CNTN6: variants seen among roughly 807,000 people sequenced by gnomAD.
CNTN6 encodes the protein contactin 6, also known as contactin-6.
Under a neutral mutation model 122.8 loss-of-function variants are expected in CNTN6, and 137 were observed. The ratio of observed to expected loss-of-function variants is 1.12; its 90% CI spans 0.97 to 1.29. CNTN6 has a LOEUF of 1.29. Among genes scored for constraint, CNTN6 ranks in the 50% most tolerant of loss-of-function variants. The pLI is 0.00. For missense variants in CNTN6, 1,634 were observed against 1,223.4 expected (o/e 1.34, Z -5.01); for synonymous variants, 570 against 426.0 (o/e 1.34, Z -4.16).
chr3:1,248,114 A>C (rs1357885358), intron 4 of CNTN6, among the ~76,000 whole-genome samples: 1 of 152,028 alleles, frequency 6.6e-6, no homozygotes, highest in Non-Finnish European at 1.5e-5. Context: ...ATTTCAGAAA[A>C]CTAGGTTTCG....
chr3:1,353,176 T>C (rs1274895636), intron 12 of CNTN6, among the ~76,000 whole-genome samples: 1 of 151,738 alleles, frequency 6.6e-6, no homozygotes, highest in Non-Finnish European at 1.5e-5. Context: ...TACTGGAAGC[T>C]GTATCACTTC....
At chr3:1,212,510 T>C (rs1351274515) in intron 2 of CNTN6, among the ~76,000 whole-genome samples, 1 of 151,110 alleles carries the variant, frequency 6.6e-6, no homozygotes, top group Non-Finnish European at 1.5e-5. Context: ...TGTGTATATA[T>C]ATACATATGT....
rs758919779 is a variant in CNTN6, at chr3:1,227,948, C to A, written c.313C>A (p.Leu105Ile). Reference protein sequence around the residue: ...IGMYQCLATNLLGTILSRKAK... With the variant: ...IGMYQCLATNILGTILSRKAK... Reference sequence around the variant, plus strand: ...CATGTACCAGTGCCTGGCCACCAATCTTCTGGGGACAATTCTGAGTCGGAA... The same window carrying A: ...CATGTACCAGTGCCTGGCCACCAATATTCTGGGGACAATTCTGAGTCGGAA... Residue 105 changes from leucine (L) to isoleucine (I), a missense_variant, in exon 4 of 23, where the codon CTT (leucine) becomes ATT (isoleucine). Leu to Ile is a conservative substitution (Grantham distance 5). Transcript: ENST00000446702. 6.2e-6 allele frequency: 10 copies of A among 1,613,860 alleles called. No homozygotes were observed. Among genetic ancestry groups the A allele is most frequent in the Non-Finnish European group, 5.1e-6 (6 of 1,179,964 alleles).
intron 2 of CNTN6, among the ~76,000 whole-genome samples, chr3:1,158,326 G>A (rs1263678970): frequency 6.6e-6 from 1 of 152,108 alleles, no homozygotes; most frequent in Non-Finnish European, 1.5e-5. Context: ...CTATTTTTAT[G>A]TCTTCTTTTG....
intron 20 of CNTN6, among the ~76,000 whole-genome samples, chr3:1,397,242 A>T (rs1222235207): frequency 6.6e-6 from 1 of 152,212 alleles, no homozygotes; most frequent in Non-Finnish European, 1.5e-5. Flanking sequence ...AATGAATAAA[A>T]TAATCATAAA....
At chr3:1,281,728 G>T (rs935515252) in intron 5 of CNTN6, among the ~76,000 whole-genome samples, 6 of 152,110 alleles carry the variant, frequency 3.9e-5, no homozygotes, top group African/African-American at 1.4e-4. Context: ...GTGAGCCATC[G>T]GGCGCAGCAA....
At chr3:1,246,889 T>G (rs1314972825) in intron 4 of CNTN6, among the ~76,000 whole-genome samples, 1 of 152,150 alleles carries the variant, frequency 6.6e-6, no homozygotes, top group Non-Finnish European at 1.5e-5. Flanking sequence ...GTTGTCTTTG[T>G]TTTCATTAGT....
At chr3:1,232,621 A>G (rs1440488072) in intron 4 of CNTN6, among the ~76,000 whole-genome samples, 1 of 152,216 alleles carries the variant, frequency 6.6e-6, no homozygotes, top group Non-Finnish European at 1.5e-5. Flanking sequence ...GCACAGAAGA[A>G]TGAACTAGCC....
intron 4 of CNTN6, among the ~76,000 whole-genome samples, chr3:1,245,911 A>G (rs530313165): frequency 1.3e-5 from 2 of 150,226 alleles, no homozygotes; most frequent in African/African-American, 2.4e-5. Flanking sequence ...TTAGCTGATG[A>G]GCTAAAAAAA....
intron 4 of CNTN6, among the ~76,000 whole-genome samples, chr3:1,255,509 G>T (rs1264001023): frequency 6.6e-6 from 1 of 151,996 alleles, no homozygotes; most frequent in Non-Finnish European, 1.5e-5. Context: ...GGAGAAATTG[G>T]CAGGGACCAT....
intron 2 of CNTN6, among the ~76,000 whole-genome samples, chr3:1,153,782 C>G (rs1449099930): frequency 6.6e-6 from 1 of 152,158 alleles, no homozygotes; most frequent in Non-Finnish European, 1.5e-5. Context: ...TTCACTATGA[C>G]CAAGATTTCT....
intron 11 of CNTN6, among the ~76,000 whole-genome samples, chr3:1,341,020 A>G (rs1215638149): frequency 1.3e-5 from 2 of 152,122 alleles, no homozygotes; most frequent in Non-Finnish European, 2.9e-5. Flanking sequence ...AAAACTTCAA[A>G]GCCCTGAGGA....
Position 1,365,203 on chromosome 3 carries a change from A to G in CNTN6, c.1493-7096A>G, listed in dbSNP as rs192831288. Among the ~76,000 whole-genome samples, 5 of 152,178 alleles carry G rather than the reference A, an allele frequency of 3.3e-5. No homozygotes were observed. The East Asian group carries it at 9.7e-4, about 29-fold the overall frequency. ...AACTCTTATCAATCTTGTTTAATCT[A>G]TACACTAACCTACTTCCACAACTCC... On this transcript the variant is annotated intron_variant, in intron 12 of 22. Coordinates refer to ENST00000446702, the MANE Select transcript of CNTN6 (RefSeq NM_001289080.2).
chr3:1,260,393 C>G (rs1297910933), intron 4 of CNTN6, among the ~76,000 whole-genome samples: 1 of 151,962 alleles, frequency 6.6e-6, no homozygotes, highest in African/African-American at 2.4e-5. Context: ...TATTTTATAC[C>G]ATTAACTGTG....
intron 4 of CNTN6, among the ~76,000 whole-genome samples, chr3:1,228,774 T>A (rs1200753670): frequency 6.6e-6 from 1 of 152,178 alleles, no homozygotes; most frequent in Non-Finnish European, 1.5e-5. Context: ...CATAGAAATG[T>A]CTATACTGTC....
intron 2 of CNTN6, among the ~76,000 whole-genome samples, chr3:1,185,435 T>G (rs2093615101): frequency 6.6e-6 from 1 of 152,168 alleles, no homozygotes; most frequent in East Asian, 1.9e-4. Flanking sequence ...TAAAAAGGTA[T>G]TAAGAACCTC....
At chr3:1,093,527 CTTT>C (rs753856056) in intron 1 of CNTN6, among the ~76,000 whole-genome samples, 3 of 132,482 alleles carry the variant, frequency 2.3e-5, no homozygotes, top group Admixed American at 7.8e-5. Context: ...TGTTTTTTGT[CTTT>C]TTTTTTTTTT....
At position 1,376,993 on chromosome 3, in the gene CNTN6, G is replaced by A; in HGVS notation, c.2096-12G>A. 1 of 1,575,328 alleles carries A rather than the reference G, an allele frequency of 6.3e-7. No homozygotes were observed. The highest frequency in any genetic ancestry group is 1.7e-4 in the Middle Eastern group (1 of 5,950). ...ATAATTGCCATCCCACATTTCTCTT[G>A]GTTATTTTTAGTCCCTGTTGTGGCA... is the stretch of plus-strand genomic sequence containing the variant. On this transcript the variant is annotated splice_polypyrimidine_tract_variant and intron_variant, in intron 16 of 22. Coordinates refer to ENST00000446702, the MANE Select transcript of CNTN6 (RefSeq NM_001289080.2).
At chr3:1,191,160 T>C (rs1282858985) in intron 2 of CNTN6, among the ~76,000 whole-genome samples, 1 of 152,078 alleles carries the variant, frequency 6.6e-6, no homozygotes, top group Non-Finnish European at 1.5e-5. Flanking sequence ...AGTATTTGTT[T>C]TTTGTCCCTG....
Sources: allele counts gnomAD v4.1 joint callset (sites outside exome capture counted in the v4.1 genomes callset), GRCh38; gene constraint gnomAD v4.1.1; transcripts MANE v1.5; gene names NCBI Gene and HGNC (gene_info 2026-07-23, HGNC 2026-07-21).